PACSIN3: variants seen among roughly 807,000 people sequenced by gnomAD.
PACSIN3 encodes protein kinase C and casein kinase substrate in neurons 3.
Under a neutral mutation model 56.1 loss-of-function variants are expected in PACSIN3, and 34 were observed. The ratio of observed to expected loss-of-function variants is 0.61; its 90% CI spans 0.46 to 0.81. The LOEUF (loss-of-function observed/expected upper bound fraction) is 0.81. Ranked by LOEUF, PACSIN3 falls within the 30% of genes least tolerant of loss-of-function variation. The probability of loss-of-function intolerance (pLI) is 0.00; values close to 1 mark genes in which losing one functional copy is unlikely to be tolerated. For synonymous variants in PACSIN3, 218 were observed against 229.8 expected (o/e 0.95, Z 0.46); for missense variants, 535 against 592.4 (o/e 0.90, Z 1.01).
At chr11:47,181,755 G>C (rs1370613549) in intron 4 of PACSIN3, among the ~76,000 whole-genome samples, 1 of 152,162 alleles carries the variant, frequency 6.6e-6, no homozygotes, top group African/African-American at 2.4e-5. Context: ...GGGAGGATCA[G>C]TTGAGCGTGG....
rs1289615938 is a variant in PACSIN3 at position 47,182,518 on chromosome 11, C to A, written c.96G>T (p.Gly32=). 6.2e-7 allele frequency: 1 copy of A among 1,612,816 alleles called. No homozygotes were observed. Among genetic ancestry groups the A allele is most frequent in the Non-Finnish European group, 8.5e-7 (1 of 1,179,870 alleles). ...YRRTVQRVED[G]HRLCGDLVSC... ...TGACCAGGTCCCCGCACAGCCGGTG[C>A]CCGTCCTCCACCCGCTGTACCGTGC... Residue 32 remains glycine, a synonymous_variant, in exon 4 of 11, where the codon GGG becomes GGT. Coordinates refer to ENST00000298838, the MANE Select transcript of PACSIN3 (RefSeq NM_016223.5).
Position 47,178,040 on chromosome 11 carries a change from T to A in PACSIN3, c.1166A>T (p.Glu389Val), listed in dbSNP as rs778711998. ...GTCCTCCTCACTCATCTTCAGCAGC[T>A]CCTCCCCTGGGGGAAAGGGGATTGG... ...ADELSFRAGE[E>V]LLKMSEEDEQ... The change falls in exon 11 of 11, where the codon GAG (glutamate) becomes GTG (valine). Residue 389 changes from glutamate to valine, a missense_variant. Transcript: ENST00000298838. The surrounding 1 kb of genome is among the most constrained non-coding windows in gnomAD (Gnocchi z 4.2). 1 of 1,613,304 alleles carries A rather than the reference T, an allele frequency of 6.2e-7. No homozygotes were observed. The highest frequency in any genetic ancestry group is 1.7e-5 in the Admixed American group (1 of 59,978).
intron 1 of PACSIN3, among the ~76,000 whole-genome samples, chr11:47,184,769 C>T (rs1953089000): frequency 6.6e-6 from 1 of 152,208 alleles, no homozygotes; most frequent in Non-Finnish European, 1.5e-5. Flanking sequence ...GAGCTGCTGC[C>T]ATGAATCACA....
Position 47,186,142 on chromosome 11 carries a change from G to T in PACSIN3, c.-104+207C>A, listed in dbSNP as rs1437746081. On this transcript the variant is annotated intron_variant, in intron 1 of 10. Transcript: ENST00000298838. The surrounding 1 kb of genome is among the most constrained non-coding windows in gnomAD (Gnocchi z 4.5). Reference sequence around the variant, plus strand: ...GCGCCGCCTCCCCCGGGCGGCCTGCGGAATTGCGAAGCCCGCGGCACCGCA... The same window carrying T: ...GCGCCGCCTCCCCCGGGCGGCCTGCTGAATTGCGAAGCCCGCGGCACCGCA... Among the ~76,000 whole-genome samples, 1 of 151,796 alleles carries T rather than the reference G, an allele frequency of 6.6e-6. No homozygotes were observed. Among genetic ancestry groups the T allele is most frequent in the Non-Finnish European group, 1.5e-5 (1 of 67,858 alleles).
At chr11:47,185,918 G>C (rs1367447424) in intron 1 of PACSIN3, 1 of 152,248 alleles carries the variant, frequency 6.6e-6, no homozygotes, top group Non-Finnish European at 1.5e-5. Context: ...CCAAGGGGAG[G>C]GGACGCCCCC....
intron 4 of PACSIN3, 147 bp downstream of exon 4, chr11:47,182,256 C>G: frequency 1.4e-6 from 1 of 715,318 alleles, no homozygotes; most frequent in Non-Finnish European, 2.2e-6. Context: ...AATAACACCA[C>G]AGCCATGAGG....
At chr11:47,184,508 C>T (rs1953083729) in intron 1 of PACSIN3, 1 of 152,240 alleles carries the variant, frequency 6.6e-6, no homozygotes, top group Non-Finnish European at 1.5e-5. Flanking sequence ...CTGGAATCAG[C>T]AATAATTAGT....
At position 47,178,351 on chromosome 11, in the gene PACSIN3, G is replaced by C. The variant is rs190580930; in HGVS notation, c.1159+15C>G. 6.2e-7 allele frequency: 1 copy of C among 1,612,798 alleles called. No individual in the cohort carries two copies. Among genetic ancestry groups the C allele is most frequent in the East Asian group, 2.2e-5 (1 of 44,892 alleles). ...TAAGGCAGAGGCTGAAGCTAGGAAA[G>C]GGGTCCCAGGGTACCTGCTCGGAAG... On this transcript the variant is annotated intron_variant, in intron 10 of 10. Transcript: ENST00000298838. This position sits in a 1 kb window ranked among gnomAD's most constrained non-coding sequence, Gnocchi z 4.2.
At chr11:47,182,952 C>G in intron 2 of PACSIN3, 52 bp downstream of exon 2, 1 of 487,798 alleles carries the variant, frequency 2.1e-6, no homozygotes, top group Non-Finnish European at 3.6e-6. Flanking sequence ...GATGGAGTCT[C>G]AAAGCTCTTC....
In PACSIN3 at chr11:47,178,454, C is replaced by G. The variant is rs771600922; in HGVS notation, c.1071G>C (p.Glu357Asp). The change falls in exon 10 of 11, where the codon GAG becomes GAC. Residue 357 changes from glutamate (E) to aspartate (D), a missense_variant. Glu to Asp is a conservative substitution (Grantham distance 45, BLOSUM62 2). Transcript: ENST00000298838. This position sits in a 1 kb window ranked among gnomAD's most constrained non-coding sequence, Gnocchi z 4.2. ...CCCCGGTGGCAGCCTTCCGGGGACT[C>G]TCTTCATCTGACCACTCCTCATCCT... Reference protein sequence around the residue: ...TGQDEEWSDEESPRKAATGVR... With the variant: ...TGQDEEWSDEDSPRKAATGVR... The G allele has an allele frequency of 2.5e-5, 40 of 1,613,818 alleles. No individual in the cohort carries two copies. The highest frequency in any genetic ancestry group is 3.0e-5 in the Non-Finnish European group (35 of 1,180,030).
At chr11:47,180,363 C>G in intron 5 of PACSIN3, 22 bp from the exon 6 acceptor site, 2 of 1,601,186 alleles carry the variant, frequency 1.2e-6, no homozygotes, top group South Asian at 1.1e-5. Flanking sequence ...GGAGACCACT[C>G]TGGACCCTGG....
Position 47,179,677 on chromosome 11 carries a change from GA to G in PACSIN3, c.604-92del. The G allele has an allele frequency of 1.3e-5, 17 of 1,317,258 alleles. No homozygotes were observed. Among genetic ancestry groups the G allele is most frequent in the Non-Finnish European group, 1.7e-5 (16 of 961,892 alleles). 81.6% of individuals were successfully genotyped at this position (1,317,258 alleles called of 1,614,324 possible). ...TACCAGACACTGCCATAGGCTGCTA[GA>G]CCCAGGGCTAGCCACTAGGGGCAAT... On this transcript the variant is annotated intron_variant, in intron 6 of 10. Coordinates refer to ENST00000298838, the MANE Select transcript of PACSIN3 (RefSeq NM_016223.5). This position sits in a 1 kb window ranked among gnomAD's most constrained non-coding sequence, Gnocchi z 4.4.
Position 47,179,104 on chromosome 11 carries a change from G to T in PACSIN3, c.900+55C>A. 2 of 1,613,510 alleles carry T rather than the reference G, an allele frequency of 1.2e-6. No homozygotes were observed. On this transcript the variant is annotated intron_variant, in intron 8 of 10. Coordinates refer to ENST00000298838, the MANE Select transcript of PACSIN3 (RefSeq NM_016223.5). The surrounding 1 kb of genome is among the most constrained non-coding windows in gnomAD (Gnocchi z 4.4). ...ACTTACTTCATCCCTAGCCCTGGCC[G>T]AGCTGAGTGGGAGCCCATCCCACCT...
intron 1 of PACSIN3, chr11:47,185,235 C>T (rs1453697827): frequency 1.3e-5 from 2 of 152,304 alleles, no homozygotes; most frequent in Non-Finnish European, 2.9e-5. Context: ...GGTAGGAAGT[C>T]CCTGGTTCAG....
intron 1 of PACSIN3, among the ~76,000 whole-genome samples, chr11:47,184,014 C>CAA (rs58025457): frequency 6.9e-5 from 8 of 116,308 alleles, no homozygotes; most frequent in South Asian, 2.8e-4. Flanking sequence ...GAGACTGTCT[C>CAA]AAAAAAAAAA....
rs758087833 is a variant in PACSIN3, at chr11:47,180,570, C to G, written c.332G>C (p.Arg111Pro). 2 of 1,604,078 alleles carry G rather than the reference C, an allele frequency of 1.2e-6. No homozygotes were observed. The highest frequency in any genetic ancestry group is 2.2e-5 in the South Asian group (2 of 91,040). ...GTGGAAAGCCCCCCGCTGCCAGGCG[C>G]GCACCCGCTCACTGTCCTGCCCTTG... ...KLQGQDSERV[R>P]AWQRGAFHRP... The change falls in exon 5 of 11, where the codon CGC (arginine) becomes CCC (proline). Residue 111 changes from arginine (R) to proline (P), a missense_variant. By Grantham distance (103) the Arg-to-Pro change is moderately radical. Transcript: ENST00000298838.
intron 1 of PACSIN3, among the ~76,000 whole-genome samples, chr11:47,184,031 G>A (rs1450092029): frequency 1.3e-5 from 2 of 149,094 alleles, no homozygotes; most frequent in Non-Finnish European, 3.0e-5. Context: ...AAAAAAAAAA[G>A]TTCCCTAGAA....
chr11:47,184,951 A>G (rs1953091936), intron 1 of PACSIN3, among the ~76,000 whole-genome samples: 5 of 151,988 alleles, frequency 3.3e-5, no homozygotes, highest in Admixed American at 2.6e-4. Context: ...GGCCTCCCAG[A>G]GCAAACACAG....
Position 47,179,332 on chromosome 11 carries a change from C to T in PACSIN3, c.780-53G>A. 1 of 1,613,508 alleles carries T rather than the reference C, an allele frequency of 6.2e-7. No homozygotes were observed. The highest frequency in any genetic ancestry group is 8.5e-7 in the Non-Finnish European group (1 of 1,179,660). ...TAGGAAGTCTAGACCCTGCATCCCT[C>T]AGTCCCAGCCAGGGCCTCGGGGAGA... On this transcript the variant is annotated intron_variant, in intron 7 of 10. Coordinates refer to ENST00000298838, the MANE Select transcript of PACSIN3 (RefSeq NM_016223.5). The surrounding 1 kb of genome is among the most constrained non-coding windows in gnomAD (Gnocchi z 4.4).
Sources: allele counts gnomAD v4.1 joint callset (sites outside exome capture counted in the v4.1 genomes callset), GRCh38; gene constraint gnomAD v4.1.1; non-coding constraint Gnocchi (gnomAD v3.1); transcripts MANE v1.5; gene names NCBI Gene and HGNC (gene_info 2026-07-23, HGNC 2026-07-21).